LRRTM4: variants seen among roughly 807,000 people sequenced by gnomAD.
LRRTM4 encodes leucine rich repeat transmembrane neuronal 4.
Under a neutral mutation model 47.6 loss-of-function variants are expected in LRRTM4, and 25 were observed. The ratio of observed to expected loss-of-function variants is 0.53; its 90% CI spans 0.38 to 0.73. The LOEUF (loss-of-function observed/expected upper bound fraction) is 0.73, where lower values mean the gene tolerates loss of function less well. LRRTM4 is among the 30% of genes least tolerant of loss of function. The probability of loss-of-function intolerance (pLI) is 0.00; values close to 1 mark genes in which losing one functional copy is unlikely to be tolerated. For synonymous variants in LRRTM4, 311 were observed against 269.5 expected (o/e 1.15, Z -1.51); for missense variants, 638 against 713.4 (o/e 0.89, Z 1.20).
At position 76,846,411 on chromosome 2, in the gene LRRTM4, A is replaced by T. The variant is rs140100557; in HGVS notation, c.1552-97495T>A. Among the ~76,000 whole-genome samples the T allele has an allele frequency of 7.2e-4, 109 of 152,318 alleles. No homozygotes were observed. The East Asian group carries it at 0.02, about 29-fold the overall frequency. ...AGAACTAATGCTAGTATTCTGAATA[A>T]TCACAAACATATTATTAAAATGGAT... On this transcript the variant is annotated intron_variant, in intron 3 of 3. Coordinates refer to ENST00000409884, the MANE Select transcript of LRRTM4 (RefSeq NM_001134745.3).
intron 3 of LRRTM4, among the ~76,000 whole-genome samples, chr2:76,862,751 T>A (rs1253349469): frequency 6.6e-6 from 1 of 152,216 alleles, no homozygotes; most frequent in African/African-American, 2.4e-5. Flanking sequence ...TGAATCACAT[T>A]TGAACAATCT....
chr2:76,972,686 C>G (rs1033682254), intron 3 of LRRTM4, among the ~76,000 whole-genome samples: 17 of 152,112 alleles, frequency 1.1e-4, no homozygotes, highest in African/African-American at 4.1e-4. Flanking sequence ...TCCCAAAGTG[C>G]TGGGATTACA....
intron 3 of LRRTM4, among the ~76,000 whole-genome samples, chr2:76,892,092 A>C (rs1283437254): frequency 6.6e-6 from 1 of 151,736 alleles, no homozygotes; most frequent in Admixed American, 6.6e-5. Flanking sequence ...ACTGAATTTA[A>C]AATACAAAAA....
At chr2:76,831,299 T>G (rs551352275) in intron 3 of LRRTM4, among the ~76,000 whole-genome samples, 2 of 152,144 alleles carry the variant, frequency 1.3e-5, no homozygotes, top group Non-Finnish European at 2.9e-5. Context: ...ATTTGTAAAT[T>G]TGATATTTCT....
At chr2:76,762,214 C>T (rs1673284219) in intron 3 of LRRTM4, among the ~76,000 whole-genome samples, 1 of 152,112 alleles carries the variant, frequency 6.6e-6, no homozygotes, top group Admixed American at 6.6e-5. Context: ...TCCATTAGCT[C>T]CTATTTCAGA....
chr2:77,329,389 T>G (rs998713614), intron 3 of LRRTM4, among the ~76,000 whole-genome samples: 8 of 152,190 alleles, frequency 5.3e-5, no homozygotes, highest in Non-Finnish European at 1.2e-4. Flanking sequence ...AATATGGTTT[T>G]GGATGGCAAT....
chr2:77,313,030 C>T (rs1392505528), intron 3 of LRRTM4, among the ~76,000 whole-genome samples: 4 of 152,138 alleles, frequency 2.6e-5, no homozygotes, highest in Admixed American at 2.6e-4. Context: ...TATTTCCTTC[C>T]ATCACTAGAA....
chr2:77,254,029 T>C (rs1454043720), intron 3 of LRRTM4, among the ~76,000 whole-genome samples: 4 of 152,084 alleles, frequency 2.6e-5, no homozygotes, highest in East Asian at 3.8e-4. Context: ...GGACAATATA[T>C]GTATGTTTAT....
At chr2:76,780,128 T>A (rs189985918) in intron 3 of LRRTM4, among the ~76,000 whole-genome samples, 1 of 152,206 alleles carries the variant, frequency 6.6e-6, no homozygotes, top group Non-Finnish European at 1.5e-5. Flanking sequence ...TGCCGAGAGA[T>A]CCGCTGTTAG....
Position 77,480,872 on chromosome 2 carries a change from C to T in LRRTM4, c.1551+37446G>A, listed in dbSNP as rs1387822523. ...GAGAGAGAGAGAGAGAGAGAAATAG[C>T]TCTCATGCAGGATTTTCTCTTTTTT... On this transcript the variant is annotated intron_variant, in intron 3 of 3. Coordinates refer to ENST00000409884, the MANE Select transcript of LRRTM4 (RefSeq NM_001134745.3). 2.4e-4 allele frequency among the ~76,000 whole-genome samples: 24 copies of T among 98,924 alleles called. 1 individual carries two copies. The allele number at this position is 98,924 out of a possible 152,430, so 64.9% of individuals were successfully genotyped here.
At chr2:77,297,875 A>T (rs1677016130) in intron 3 of LRRTM4, among the ~76,000 whole-genome samples, 1 of 152,246 alleles carries the variant, frequency 6.6e-6, no homozygotes, top group Non-Finnish European at 1.5e-5. Flanking sequence ...GGACTGACAC[A>T]AGATCACATG....
chr2:77,370,109 C>G (rs921819202), intron 3 of LRRTM4, among the ~76,000 whole-genome samples: 1 of 151,636 alleles, frequency 6.6e-6, no homozygotes, highest in African/African-American at 2.4e-5. Flanking sequence ...TCGGGGAAAA[C>G]CCAAACTTTT....
intron 3 of LRRTM4, among the ~76,000 whole-genome samples, chr2:77,113,151 C>G (rs1268086019): frequency 2.6e-5 from 4 of 152,016 alleles, no homozygotes; most frequent in Non-Finnish European, 5.9e-5. Context: ...GTCATCGGAG[C>G]CTGTGAGCTG....
At chr2:76,896,229 G>C (rs1241459055) in intron 3 of LRRTM4, among the ~76,000 whole-genome samples, 1 of 151,114 alleles carries the variant, frequency 6.6e-6, no homozygotes, top group Non-Finnish European at 1.5e-5. Context: ...CACACACACA[G>C]ACACACGATT....
At chr2:77,353,259 C>A (rs1303689702) in intron 3 of LRRTM4, among the ~76,000 whole-genome samples, 1 of 152,064 alleles carries the variant, frequency 6.6e-6, no homozygotes, top group Admixed American at 6.6e-5. Flanking sequence ...TTTTGATTTG[C>A]ACAAATAAAA....
intron 3 of LRRTM4, among the ~76,000 whole-genome samples, chr2:77,119,147 T>C (rs1228712531): frequency 2.0e-5 from 3 of 151,898 alleles, no homozygotes; most frequent in African/African-American, 7.2e-5. Flanking sequence ...CATCCAGTTA[T>C]CTATACAATG....
At chr2:76,775,501 T>C (rs1326786815) in intron 3 of LRRTM4, among the ~76,000 whole-genome samples, 2 of 152,176 alleles carry the variant, frequency 1.3e-5, no homozygotes, top group Non-Finnish European at 2.9e-5. Flanking sequence ...TGGAAAGGTA[T>C]TTTTTGACAA....
intron 3 of LRRTM4, among the ~76,000 whole-genome samples, chr2:76,984,497 C>T (rs1676727038): frequency 1.3e-5 from 2 of 151,926 alleles, no homozygotes; most frequent in African/African-American, 4.8e-5. Context: ...GGCCATGTAA[C>T]ATTTGGCCTA....
chr2:77,487,090 C>T (rs936795314), intron 3 of LRRTM4, among the ~76,000 whole-genome samples: 7 of 152,244 alleles, frequency 4.6e-5, no homozygotes, highest in Non-Finnish European at 8.8e-5. Flanking sequence ...GGAGCAGCTG[C>T]TGCAAAGACA....
Sources: allele counts gnomAD v4.1 joint callset (sites outside exome capture counted in the v4.1 genomes callset), GRCh38; gene constraint gnomAD v4.1.1; transcripts MANE v1.5; gene names NCBI Gene and HGNC (gene_info 2026-07-23, HGNC 2026-07-21).